The following TENM3 variants were observed in gnomAD, a reference collection of about 807,000 sequenced individuals.
TENM3 encodes teneurin transmembrane protein 3, also known as teneurin-3.
In TENM3, 63 loss-of-function variants were observed where a neutral mutation model predicts 255.1. That is an observed-to-expected ratio of 0.25 (90% confidence interval 0.20 to 0.30). TENM3 has a LOEUF of 0.30. TENM3 is among the 10% of genes least tolerant of loss of function. The probability of loss-of-function intolerance (pLI) is 1.00; values close to 1 mark genes in which losing one functional copy is unlikely to be tolerated. For missense variants in TENM3, 2,929 were observed against 3,461.1 expected, an observed-to-expected ratio of 0.85 and a Z score of 3.86; for synonymous variants, 1,306 against 1,322.3, an observed-to-expected ratio of 0.99 and a Z score of 0.27.
the TENM3 span, among the ~76,000 whole-genome samples, chr4:181,862,705 C>T: frequency 6.6e-6 from 1 of 152,070 alleles, no homozygotes; most frequent in South Asian, 2.1e-4. Flanking sequence ...ATTGCTACTT[C>T]ATTATATTAT....
the TENM3 span, among the ~76,000 whole-genome samples, chr4:181,572,057 GC>G: frequency 6.6e-6 from 1 of 152,134 alleles, no homozygotes; most frequent in Non-Finnish European, 1.5e-5. Flanking sequence ...TAGAGATGCT[GC>G]AAAAAATTTC....
the TENM3 span, among the ~76,000 whole-genome samples, chr4:181,924,209 A>G: frequency 6.6e-6 from 1 of 152,158 alleles, no homozygotes; most frequent in African/African-American, 2.4e-5. Flanking sequence ...AGGCAAACCC[A>G]CTGTGCATAT....
chr4:182,019,039 G>A, the TENM3 span, among the ~76,000 whole-genome samples: 1 of 152,198 alleles, frequency 6.6e-6, no homozygotes, highest in African/African-American at 2.4e-5. Context: ...CATGAAACAA[G>A]GTCCTGGCTT....
At chr4:182,113,008 C>T in the TENM3 span, among the ~76,000 whole-genome samples, 1 of 152,174 alleles carries the variant, frequency 6.6e-6, no homozygotes, top group African/African-American at 2.4e-5. Flanking sequence ...TGGCCCTCCT[C>T]ATCTGCAGAT....
chr4:181,732,776 A>G, the TENM3 span, among the ~76,000 whole-genome samples: 1 of 151,428 alleles, frequency 6.6e-6, no homozygotes, highest in Non-Finnish European at 1.5e-5. Context: ...TGGGATGAGT[A>G]GGGGGGCGGG....
chr4:182,799,581 T>C lies in TENM3; in HGVS notation c.7345-15T>C. 1 of 1,533,136 alleles carries C rather than the reference T, an allele frequency of 6.5e-7. No individual in the cohort carries two copies. The highest frequency in any genetic ancestry group is 1.2e-5 in the South Asian group (1 of 83,756). The allele number at this position is 1,533,136 out of a possible 1,614,324, so 95.0% of individuals were successfully genotyped here. On this transcript the variant is annotated splice_polypyrimidine_tract_variant and intron_variant, in intron 27 of 27. Transcript: ENST00000511685. This position sits in a 1 kb window ranked among gnomAD's most constrained non-coding sequence, Gnocchi z 4.2. Reference sequence around the variant, plus strand: ...GGCCGCCTCTGACGCGCCCCCTCTTTTGTTTCGCCCGCAGCCCATCTTCGG... The same window carrying C: ...GGCCGCCTCTGACGCGCCCCCTCTTCTGTTTCGCCCGCAGCCCATCTTCGG...
intron 3 of TENM3, among the ~76,000 whole-genome samples, chr4:182,529,599 A>G (rs184795229): frequency 1.3e-5 from 2 of 152,240 alleles, no homozygotes; most frequent in Non-Finnish European, 2.9e-5. Context: ...AGGGGCCTAG[A>G]TAGTACTAAA....
At chr4:181,884,712 G>C in the TENM3 span, among the ~76,000 whole-genome samples, 1 of 151,904 alleles carries the variant, frequency 6.6e-6, no homozygotes, top group African/African-American at 2.4e-5. Context: ...TCAGTCTTTA[G>C]ATTTTTTTCC....
At chr4:181,937,102 C>A in the TENM3 span, among the ~76,000 whole-genome samples, 1 of 152,162 alleles carries the variant, frequency 6.6e-6, no homozygotes, top group African/African-American at 2.4e-5. Flanking sequence ...TGGCCCTGGG[C>A]AAAGCAGGTA....
chr4:182,511,850 G>A (rs1737431019), intron 3 of TENM3, among the ~76,000 whole-genome samples: 1 of 152,136 alleles, frequency 6.6e-6, no homozygotes, highest in South Asian at 2.1e-4. Flanking sequence ...TAACTAGCAA[G>A]TGCTAAGTTC....
At chr4:182,414,572 T>G (rs1339004344) in intron 3 of TENM3, among the ~76,000 whole-genome samples, 1 of 152,214 alleles carries the variant, frequency 6.6e-6, no homozygotes, top group Admixed American at 6.5e-5. Context: ...TTTCCAAAAA[T>G]TACCATAGCA....
At chr4:182,475,494 T>C (rs1026868893) in intron 3 of TENM3, among the ~76,000 whole-genome samples, 2 of 152,148 alleles carry the variant, frequency 1.3e-5, no homozygotes, top group African/African-American at 4.8e-5. Context: ...AATCATATCA[T>C]TGATGACGGG....
At chr4:182,208,618 G>C (rs1296310925) in intron 1 of TENM3, among the ~76,000 whole-genome samples, 3 of 152,154 alleles carry the variant, frequency 2.0e-5, no homozygotes, top group Non-Finnish European at 4.4e-5. Flanking sequence ...AGAGTTCAAA[G>C]GTAGCATTTC....
At chr4:181,720,340 C>T in the TENM3 span, among the ~76,000 whole-genome samples, 1 of 152,042 alleles carries the variant, frequency 6.6e-6, no homozygotes, top group African/African-American at 2.4e-5. Context: ...TATAATTCTC[C>T]CAAGATATTC....
intron 6 of TENM3, among the ~76,000 whole-genome samples, chr4:182,663,621 C>T (rs1377320773): frequency 2.6e-5 from 4 of 152,086 alleles, no homozygotes; most frequent in Admixed American, 1.3e-4. Context: ...AGTTTCATTT[C>T]TAATCCTGTT....
chr4:182,261,110 A>G (rs1470388689), intron 1 of TENM3, among the ~76,000 whole-genome samples: 1 of 151,422 alleles, frequency 6.6e-6, no homozygotes, highest in Admixed American at 6.6e-5. Flanking sequence ...TCTTGACCTC[A>G]TGATCTGCCT....
At chr4:182,005,001 T>C in the TENM3 span, among the ~76,000 whole-genome samples, 1 of 152,252 alleles carries the variant, frequency 6.6e-6, no homozygotes, top group East Asian at 1.9e-4. Context: ...GCAAAAATTT[T>C]CTCCCATTCT....
chr4:182,569,991 GCTT>G (rs1209277941), intron 3 of TENM3, among the ~76,000 whole-genome samples: 1 of 152,162 alleles, frequency 6.6e-6, no homozygotes, highest in Admixed American at 6.5e-5. Context: ...AACTCCACCT[GCTT>G]CTTTTGATTT....
intron 3 of TENM3, among the ~76,000 whole-genome samples, chr4:182,580,238 C>A (rs1745351307): frequency 1.3e-5 from 2 of 152,024 alleles, no homozygotes; most frequent in South Asian, 2.1e-4. Context: ...TAGTGTAATG[C>A]TATTTTGGAA....
Sources: allele counts gnomAD v4.1 joint callset (sites outside exome capture counted in the v4.1 genomes callset), GRCh38; gene constraint gnomAD v4.1.1; non-coding constraint Gnocchi (gnomAD v3.1); transcripts MANE v1.5; gene names NCBI Gene and HGNC (gene_info 2026-07-23, HGNC 2026-07-21).